GPHN: variants seen among roughly 807,000 people sequenced by gnomAD.
GPHN encodes gephyrin.
In GPHN, 17 loss-of-function variants were observed where a neutral mutation model predicts 95.5. The ratio of observed to expected loss-of-function variants is 0.18; its 90% CI spans 0.12 to 0.27. GPHN has a LOEUF of 0.27. Ranked by LOEUF, GPHN falls within the 10% of genes least tolerant of loss-of-function variation. GPHN has a pLI of 1.00. For synonymous variants in GPHN, 320 were observed against 322.5 expected (o/e 0.99, Z 0.08); for missense variants, 660 against 978.1 (o/e 0.67, Z 4.34).
At chr14:66,518,958 C>CA (rs1395052403) in intron 1 of GPHN, among the ~76,000 whole-genome samples, 1 of 151,776 alleles carries the variant, frequency 6.6e-6, no homozygotes, top group Non-Finnish European at 1.5e-5. Context: ...TATATAGTTT[C>CA]AAATAGCTAG....
the GPHN span, among the ~76,000 whole-genome samples, chr14:67,394,883 T>G: frequency 1.3e-5 from 2 of 152,030 alleles, no homozygotes; most frequent in Non-Finnish European, 2.9e-5. Context: ...GGAGCAAGCA[T>G]GTTAGCATGC....
the GPHN span, chr14:67,363,891 C>T: frequency 6.6e-6 from 1 of 152,178 alleles, no homozygotes; most frequent in African/African-American, 2.4e-5. Flanking sequence ...AAATCATCAG[C>T]CATGATTAGT....
At chr14:67,489,447 C>T in the GPHN span, among the ~76,000 whole-genome samples, 1 of 152,198 alleles carries the variant, frequency 6.6e-6, no homozygotes, top group Non-Finnish European at 1.5e-5. Context: ...TGAGTTTGTC[C>T]ATGCAGCTTC....
At chr14:67,626,961 G>A in the GPHN span, among the ~76,000 whole-genome samples, 1 of 152,268 alleles carries the variant, frequency 6.6e-6, no homozygotes, top group East Asian at 1.9e-4. Context: ...AAAGAAGGCA[G>A]ACACAGAAGG....
chr14:66,805,242 TACTC>T (rs1171393774), intron 3 of GPHN, among the ~76,000 whole-genome samples: 4 of 152,284 alleles, frequency 2.6e-5, no homozygotes, highest in Non-Finnish European at 5.9e-5. Flanking sequence ...TCATGAGACT[TACTC>T]ACTATTGCTA....
At chr14:67,637,971 T>C in the GPHN span, among the ~76,000 whole-genome samples, 2 of 152,140 alleles carry the variant, frequency 1.3e-5, no homozygotes, top group African/African-American at 4.8e-5. Context: ...TTCTCAATGC[T>C]TTCTTCCTCT....
the GPHN span, among the ~76,000 whole-genome samples, chr14:67,259,687 G>C: frequency 6.6e-6 from 1 of 151,750 alleles, no homozygotes. Context: ...GAGGCAGGAG[G>C]ATCCCTTTGC....
intron 1 of GPHN, among the ~76,000 whole-genome samples, chr14:66,645,652 A>G (rs2064700363): frequency 1.3e-5 from 2 of 148,326 alleles, no homozygotes; most frequent in Non-Finnish European, 3.0e-5. Flanking sequence ...AGATCATGCC[A>G]TTATACTCCA....
chr14:66,854,826 C>CAA (rs2062731267), intron 4 of GPHN, among the ~76,000 whole-genome samples: 1 of 150,024 alleles, frequency 6.7e-6, no homozygotes, highest in African/African-American at 2.4e-5. Flanking sequence ...ATGTATAGCA[C>CAA]AAAACTTGCT....
chr14:67,666,089 C>G, the GPHN span, among the ~76,000 whole-genome samples: 1 of 152,180 alleles, frequency 6.6e-6, no homozygotes, highest in African/African-American at 2.4e-5. Flanking sequence ...TGCTCTGAGT[C>G]AGCACATCTC....
chr14:66,514,741 C>CTT (rs2058173123), intron 1 of GPHN, among the ~76,000 whole-genome samples: 1 of 152,000 alleles, frequency 6.6e-6, no homozygotes, highest in South Asian at 2.1e-4. Context: ...CAATCTTACA[C>CTT]TTAGGTTTCA....
At chr14:67,375,814 T>C in the GPHN span, among the ~76,000 whole-genome samples, 1 of 152,248 alleles carries the variant, frequency 6.6e-6, no homozygotes, top group African/African-American at 2.4e-5. Context: ...TACTAACTTT[T>C]GAGAAGCACT....
At chr14:66,738,052 C>A (rs1348192224) in intron 2 of GPHN, among the ~76,000 whole-genome samples, 2 of 152,116 alleles carry the variant, frequency 1.3e-5, no homozygotes, top group Non-Finnish European at 2.9e-5. Flanking sequence ...TCCTAATCCT[C>A]CAGGGAACAT....
At chr14:66,582,054 G>A (rs2061201860) in intron 1 of GPHN, among the ~76,000 whole-genome samples, 1 of 151,952 alleles carries the variant, frequency 6.6e-6, no homozygotes. Flanking sequence ...GAGCATTTCA[G>A]CCTTCTATCC....
chr14:67,359,174 G>A, the GPHN span, among the ~76,000 whole-genome samples: 3 of 152,230 alleles, frequency 2.0e-5, no homozygotes, highest in Non-Finnish European at 2.9e-5. Flanking sequence ...GGCTATGCTA[G>A]GGCGATTCGA....
chr14:66,795,980 C>T (rs955150704), intron 3 of GPHN, among the ~76,000 whole-genome samples: 2 of 152,106 alleles, frequency 1.3e-5, no homozygotes, highest in African/African-American at 4.8e-5. Flanking sequence ...ACCTTACCCT[C>T]TCCCCCTCTA....
At chr14:66,585,287 T>G (rs2061373380) in intron 1 of GPHN, among the ~76,000 whole-genome samples, 1 of 152,184 alleles carries the variant, frequency 6.6e-6, no homozygotes, top group Non-Finnish European at 1.5e-5. Flanking sequence ...CTTTTCTTCT[T>G]TATTAGTCTT....
At chr14:67,592,609 G>A in the GPHN span, 1 of 1,390,632 alleles carries the variant, frequency 7.2e-7, no homozygotes, top group Non-Finnish European at 1.0e-6. Flanking sequence ...AGTAATTGGA[G>A]AATGGTAAAA....
At chr14:66,662,715 C>G (rs184594102) in intron 1 of GPHN, among the ~76,000 whole-genome samples, 146 of 152,280 alleles carry the variant, frequency 9.6e-4, no homozygotes, top group African/African-American at 3.3e-3. Flanking sequence ...ATGCAGGAAG[C>G]TACAGATCAT....
Sources: allele counts gnomAD v4.1 joint callset (sites outside exome capture counted in the v4.1 genomes callset), GRCh38; gene constraint gnomAD v4.1.1; transcripts MANE v1.5; gene names NCBI Gene and HGNC (gene_info 2026-07-23, HGNC 2026-07-21).